ANTXR2: variants seen among roughly 807,000 people sequenced by gnomAD.
ANTXR2 encodes ANTXR cell adhesion molecule 2.
ANTXR2 carries 44 observed loss-of-function variants against 73.7 expected under a neutral mutation model. That is an observed-to-expected ratio of 0.60 (90% CI 0.47 to 0.77). The LOEUF (loss-of-function observed/expected upper bound fraction) is 0.77, where lower values mean the gene tolerates loss of function less well. ANTXR2 is among the 30% of genes least tolerant of loss of function. The probability of loss-of-function intolerance (pLI) is 0.00; values close to 1 mark genes in which losing one functional copy is unlikely to be tolerated. For synonymous variants in ANTXR2, 217 were observed against 205.9 expected (o/e 1.05, Z -0.46); for missense variants, 604 against 592.5 (o/e 1.02, Z -0.20).
chr4:79,982,689 C>G (rs1257895662), intron 14 of ANTXR2, among the ~76,000 whole-genome samples: 1 of 152,136 alleles, frequency 6.6e-6, no homozygotes, highest in African/African-American at 2.4e-5. Context: ...CAAAGAACAG[C>G]TTAACTGCAT....
At chr4:80,062,563 T>C (rs1370504678) in intron 3 of ANTXR2, among the ~76,000 whole-genome samples, 1 of 152,220 alleles carries the variant, frequency 6.6e-6, no homozygotes, top group East Asian at 1.9e-4. Context: ...TTTAGCACAA[T>C]GTGTGGCCAA....
At chr4:79,966,911 G>GTTCACA (rs1246466956) in intron 16 of ANTXR2, among the ~76,000 whole-genome samples, 5 of 81,878 alleles carry the variant, frequency 6.1e-5, no homozygotes, top group South Asian at 7.3e-4. Flanking sequence ...GGCGTCCGGG[G>GTTCACA]AGGAGCCAAG....
chr4:79,985,669 C>T (rs1056845946), intron 12 of ANTXR2, among the ~76,000 whole-genome samples: 1 of 152,040 alleles, frequency 6.6e-6, no homozygotes, highest in African/African-American at 2.4e-5. Context: ...CAGATGACTC[C>T]GGCCAAACTG....
At chr4:79,914,124 A>G (rs952412418) in intron 16 of ANTXR2, among the ~76,000 whole-genome samples, 3 of 152,090 alleles carry the variant, frequency 2.0e-5, no homozygotes, top group Non-Finnish European at 4.4e-5. Flanking sequence ...ATTTTGGAAA[A>G]TTGCTATTAA....
chr4:79,937,615 A>C (rs1728321051), intron 16 of ANTXR2, among the ~76,000 whole-genome samples: 1 of 152,174 alleles, frequency 6.6e-6, no homozygotes, highest in East Asian at 1.9e-4. Context: ...AAATCATAAA[A>C]TGTTATGTGT....
At chr4:80,056,487 A>AT (rs1341755520) in intron 3 of ANTXR2, among the ~76,000 whole-genome samples, 6 of 151,868 alleles carry the variant, frequency 4.0e-5, no homozygotes, top group African/African-American at 1.4e-4. Flanking sequence ...AGAAATTAAC[A>AT]TTTTTTCTTA....
At chr4:79,976,395 G>A (rs1729636352) in intron 16 of ANTXR2, among the ~76,000 whole-genome samples, 2 of 152,192 alleles carry the variant, frequency 1.3e-5, no homozygotes, top group African/African-American at 4.8e-5. Flanking sequence ...ACTAAAACAG[G>A]GATGGGGCAA....
intron 12 of ANTXR2, among the ~76,000 whole-genome samples, chr4:79,986,675 C>T (rs1182745542): frequency 6.6e-6 from 1 of 152,102 alleles, no homozygotes; most frequent in Non-Finnish European, 1.5e-5. Context: ...CTCTGGTGGC[C>T]CCCTACTTCA....
intron 3 of ANTXR2, among the ~76,000 whole-genome samples, chr4:80,061,284 C>CTGTGTGTGTGTGTG (rs60730236): frequency 6.7e-6 from 1 of 149,076 alleles, no homozygotes; most frequent in African/African-American, 2.5e-5. Context: ...GTGTGTGCCT[C>CTGTGTGTGTGTGTG]TGTGTGTGTG....
At chr4:80,025,250 C>T (rs991405430) in intron 10 of ANTXR2, among the ~76,000 whole-genome samples, 1 of 152,146 alleles carries the variant, frequency 6.6e-6, no homozygotes, top group African/African-American at 2.4e-5. Context: ...CTAATAGTCA[C>T]ATACTTCTAT....
At chr4:80,058,327 T>C (rs1003898314) in intron 3 of ANTXR2, among the ~76,000 whole-genome samples, 1 of 152,054 alleles carries the variant, frequency 6.6e-6, no homozygotes, top group Admixed American at 6.6e-5. Flanking sequence ...TACCTATACC[T>C]GCACCATAAG....
chr4:80,010,686 A>T (rs1731527445), intron 11 of ANTXR2, among the ~76,000 whole-genome samples: 1 of 152,192 alleles, frequency 6.6e-6, no homozygotes, highest in South Asian at 2.1e-4. Context: ...GCACTGACAG[A>T]ACACAAAGTA....
chr4:80,036,767 G>A (rs145430031), intron 7 of ANTXR2, among the ~76,000 whole-genome samples: 65 of 152,148 alleles, frequency 4.3e-4, no homozygotes, highest in Middle Eastern at 3.4e-3. Flanking sequence ...CAGCCTGGAC[G>A]ACAGAGCAAG....
Position 80,035,987 on chromosome 4 carries a change from T to A in ANTXR2, c.682A>T (p.Ser228Cys). The change falls in exon 8 of 17, where the codon AGT becomes TGT. Residue 228 changes from serine (S) to cysteine (C), a missense_variant. Ser to Cys is a moderately radical substitution (Grantham distance 112). Coordinates refer to ENST00000403729, the MANE Select transcript of ANTXR2 (RefSeq NM_058172.6). ...CTEILELQPS[S>C]VCVGEEFQIV... ...AAACACTTACCCCCCACACAGACAC[T>A]TGAGGGCTGCAATTCTAGGATTTCA... 1 of 1,540,416 alleles carries A rather than the reference T, an allele frequency of 6.5e-7. No individual in the cohort carries two copies. The highest frequency in any genetic ancestry group is 8.7e-7 in the Non-Finnish European group (1 of 1,145,302).
At chr4:79,928,003 C>T (rs1433465451) in intron 16 of ANTXR2, among the ~76,000 whole-genome samples, 1 of 152,160 alleles carries the variant, frequency 6.6e-6, no homozygotes, top group Non-Finnish European at 1.5e-5. Context: ...AGTAATCCCA[C>T]TTCTGTGTAT....
intron 3 of ANTXR2, among the ~76,000 whole-genome samples, chr4:80,057,312 C>A (rs116315687): frequency 6.6e-6 from 1 of 151,860 alleles, no homozygotes; most frequent in Non-Finnish European, 1.5e-5. Flanking sequence ...ATATCACATG[C>A]GGTTATAAAA....
At chr4:80,045,856 C>T (rs1259540227) in intron 7 of ANTXR2, among the ~76,000 whole-genome samples, 1 of 151,628 alleles carries the variant, frequency 6.6e-6, no homozygotes, top group African/African-American at 2.4e-5. Flanking sequence ...TCCAAACACC[C>T]CAGCCAAATA....
At chr4:80,002,099 C>A (rs1398787430) in intron 12 of ANTXR2, among the ~76,000 whole-genome samples, 1 of 152,084 alleles carries the variant, frequency 6.6e-6, no homozygotes, top group East Asian at 1.9e-4. Flanking sequence ...CCCGCATCAC[C>A]AAGTCAATCC....
chr4:80,019,776 C>A (rs1324499220), intron 10 of ANTXR2, among the ~76,000 whole-genome samples: 1 of 152,074 alleles, frequency 6.6e-6, no homozygotes, highest in Non-Finnish European at 1.5e-5. Flanking sequence ...ATTAAAATAT[C>A]CCGACAAAGG....
Sources: allele counts gnomAD v4.1 joint callset (sites outside exome capture counted in the v4.1 genomes callset), GRCh38; gene constraint gnomAD v4.1.1; transcripts MANE v1.5; gene names NCBI Gene and HGNC (gene_info 2026-07-23, HGNC 2026-07-21).